The following PLEKHA7 variants were observed in gnomAD, a reference collection of about 807,000 sequenced individuals.
PLEKHA7 encodes pleckstrin homology domain-containing family A member 7.
Under a neutral mutation model 170.0 loss-of-function variants are expected in PLEKHA7, and 104 were observed. That is an observed-to-expected ratio of 0.61 (90% CI 0.52 to 0.72). The LOEUF (loss-of-function observed/expected upper bound fraction) is 0.72. PLEKHA7 is among the 30% of genes least tolerant of loss of function. The pLI is 0.00. For missense variants in PLEKHA7, 1,615 were observed against 1,671.7 expected, an observed-to-expected ratio of 0.97 and a Z score of 0.59; for synonymous variants, 648 against 660.8, an observed-to-expected ratio of 0.98 and a Z score of 0.30.
intron 13 of PLEKHA7, among the ~76,000 whole-genome samples, chr11:16,810,299 G>A (rs1849279851): frequency 6.6e-6 from 1 of 152,192 alleles, no homozygotes; most frequent in African/African-American, 2.4e-5. Context: ...TCTTGAAGTG[G>A]GACTCTCATC....
chr11:16,812,632 C>A (rs374641496), intron 13 of PLEKHA7: 3 of 152,694 alleles, frequency 2.0e-5, no homozygotes, highest in African/African-American at 7.2e-5. Flanking sequence ...CAGGGAGGGG[C>A]CCAGCCTTCA....
intron 3 of PLEKHA7, among the ~76,000 whole-genome samples, chr11:16,905,266 ATAAAT>A (rs1311628255): frequency 1.3e-5 from 2 of 152,200 alleles, no homozygotes; most frequent in African/African-American, 4.8e-5. Context: ...AATTTTAAAA[ATAAAT>A]TAATTAAAAT....
chr11:16,839,162 T>C (rs1851763068), intron 9 of PLEKHA7, among the ~76,000 whole-genome samples: 1 of 152,092 alleles, frequency 6.6e-6, no homozygotes, highest in South Asian at 2.1e-4. Flanking sequence ...TGAAATACCA[T>C]ATGAGTAAAA....
chr11:16,868,748 G>C (rs776262214), intron 4 of PLEKHA7, among the ~76,000 whole-genome samples: 2 of 152,132 alleles, frequency 1.3e-5, no homozygotes, highest in East Asian at 3.9e-4. Context: ...GAGGAAAAAA[G>C]TAAGCCTTAA....
chr11:16,888,122 C>T (rs555678088), intron 3 of PLEKHA7, among the ~76,000 whole-genome samples: 145 of 151,970 alleles, frequency 9.5e-4, no homozygotes, highest in African/African-American at 2.8e-3. Flanking sequence ...GCCTGGCAGC[C>T]GCCCCATCTG....
intron 3 of PLEKHA7, among the ~76,000 whole-genome samples, chr11:16,949,415 G>A (rs1040381915): frequency 6.6e-6 from 1 of 152,218 alleles, no homozygotes; most frequent in African/African-American, 2.4e-5. Context: ...ACAACATGGG[G>A]AGGGAGCGGT....
intron 3 of PLEKHA7, among the ~76,000 whole-genome samples, chr11:16,877,589 A>T (rs902488254): frequency 3.3e-5 from 5 of 152,220 alleles, no homozygotes; most frequent in Admixed American, 3.3e-4. Flanking sequence ...AGCTTGCACT[A>T]TTTTGACAAT....
intron 3 of PLEKHA7, among the ~76,000 whole-genome samples, chr11:16,940,866 C>A (rs1278157394): frequency 6.6e-6 from 1 of 152,136 alleles, no homozygotes; most frequent in Non-Finnish European, 1.5e-5. Flanking sequence ...GGGCTGTAGA[C>A]AACAGGCCCA....
At chr11:16,880,320 T>C (rs1855616168) in intron 3 of PLEKHA7, among the ~76,000 whole-genome samples, 1 of 152,240 alleles carries the variant, frequency 6.6e-6, no homozygotes, top group East Asian at 1.9e-4. Flanking sequence ...ACACTGGTAG[T>C]GCATGACCTT....
Position 16,791,776 on chromosome 11 carries a change from G to T in PLEKHA7, c.2746-577C>A. The T allele has an allele frequency of 2.4e-6, 1 of 424,808 alleles. No individual in the cohort carries two copies. Among genetic ancestry groups the T allele is most frequent in the South Asian group, 1.7e-5 (1 of 58,104 alleles). 26.3% of individuals were successfully genotyped at this position (424,808 alleles called of 1,614,324 possible). ...CCTTCCTGACTCAGACAGAACAGGC[G>T]GTCAGGATGAGTGACTCACTGCCTA... On this transcript the variant is annotated intron_variant, in intron 19 of 26. Coordinates refer to ENST00000531066, the MANE Select transcript of PLEKHA7 (RefSeq NM_001329630.2). The surrounding 1 kb of genome is among the most constrained non-coding windows in gnomAD (Gnocchi z 4.5).
chr11:16,863,366 C>T (rs1220341888), intron 4 of PLEKHA7, among the ~76,000 whole-genome samples: 1 of 152,150 alleles, frequency 6.6e-6, no homozygotes, highest in Non-Finnish European at 1.5e-5. Flanking sequence ...GCTGCTCAGA[C>T]CCCAATGGAA....
intron 3 of PLEKHA7, among the ~76,000 whole-genome samples, chr11:16,985,756 A>G (rs1863688552): frequency 6.6e-6 from 1 of 152,250 alleles, no homozygotes; most frequent in African/African-American, 2.4e-5. Flanking sequence ...AGAGACAGAG[A>G]GACATTACAC....
chr11:16,825,360 C>T (rs1345265043), intron 10 of PLEKHA7, among the ~76,000 whole-genome samples: 1 of 152,210 alleles, frequency 6.6e-6, no homozygotes, highest in African/African-American at 2.4e-5. Context: ...CCGCTGCAAT[C>T]CCTGGGGAGC....
intron 3 of PLEKHA7, among the ~76,000 whole-genome samples, chr11:16,964,124 G>C (rs924013037): frequency 1.3e-5 from 2 of 152,204 alleles, no homozygotes; most frequent in Non-Finnish European, 2.9e-5. Context: ...AAGTTCCTCT[G>C]TGTTGTGGCA....
chr11:16,985,139 G>GA lies in PLEKHA7; in HGVS notation c.221+28849dup, dbSNP rs538360861. ...GAAGCCTTCAGAAGCCCTTGAGGCA[G>GA]ATGCCTCTGCCTCATTCATCTAAGA... On this transcript the variant is annotated intron_variant, in intron 3 of 26. Transcript: ENST00000531066. Among the ~76,000 whole-genome samples, 10 of 152,366 alleles carry GA rather than the reference G, an allele frequency of 6.6e-5. No individual in the cohort carries two copies. In the South Asian group the frequency reaches 2.1e-3, roughly 32 times the overall value.
intron 3 of PLEKHA7, among the ~76,000 whole-genome samples, chr11:16,987,780 G>C (rs547004754): frequency 6.6e-5 from 10 of 152,232 alleles, no homozygotes; most frequent in Admixed American, 2.0e-4. Context: ...CTCAACACCT[G>C]TCCCAAACTC....
intron 3 of PLEKHA7, among the ~76,000 whole-genome samples, chr11:16,966,144 T>C (rs1862358329): frequency 6.6e-6 from 1 of 151,900 alleles, no homozygotes; most frequent in African/African-American, 2.4e-5. Context: ...GATCGCACCA[T>C]TGCACTCCAG....
chr11:17,007,036 C>T (rs1335190712), intron 3 of PLEKHA7, among the ~76,000 whole-genome samples: 2 of 152,350 alleles, frequency 1.3e-5, no homozygotes, highest in East Asian at 3.9e-4. Context: ...TCCCCACTCC[C>T]TGCCTCGGAG....
intron 3 of PLEKHA7, among the ~76,000 whole-genome samples, chr11:16,963,830 C>A (rs1451297976): frequency 1.3e-5 from 2 of 152,190 alleles, no homozygotes; most frequent in African/African-American, 4.8e-5. Flanking sequence ...ACCCTGCCCC[C>A]AGCCACCTCT....
Sources: allele counts gnomAD v4.1 joint callset (sites outside exome capture counted in the v4.1 genomes callset), GRCh38; gene constraint gnomAD v4.1.1; non-coding constraint Gnocchi (gnomAD v3.1); transcripts MANE v1.5; gene names NCBI Gene and HGNC (gene_info 2026-07-23, HGNC 2026-07-21).